CCR3: variants seen among roughly 807,000 people sequenced by gnomAD.
CCR3 encodes the protein C-C motif chemokine receptor 3, also known as C-C chemokine receptor type 3.
For synonymous variants in CCR3, 203 were observed against 179.2 expected, an observed-to-expected ratio of 1.13 and a Z score of -1.06; for missense variants, 419 against 437.5, an observed-to-expected ratio of 0.96 and a Z score of 0.38.
At chr3:46,257,238 C>T (rs1175542706) in intron 1 of CCR3, among the ~76,000 whole-genome samples, 1 of 152,100 alleles carries the variant, frequency 6.6e-6, no homozygotes, top group Non-Finnish European at 1.5e-5. Context: ...AAAACACTTG[C>T]TGCACTTGTA....
chr3:46,238,749 T>C (rs1036772217), upstream of CCR3, among the ~76,000 whole-genome samples: 7 of 152,040 alleles, frequency 4.6e-5, no homozygotes, highest in African/African-American at 1.7e-4. Flanking sequence ...GAGAAAAAAG[T>C]GGGGGGACCT....
chr3:46,265,399 C>A lies in CCR3; in HGVS notation c.241C>A (p.Leu81Met), dbSNP rs768633312. Reference protein sequence around the residue: ...IYLLNLAISDLLFLVTLPFWI... With the variant: ...IYLLNLAISDMLFLVTLPFWI... ...CCTGCTCAACCTGGCCATTTCGGAC[C>A]TGCTCTTCCTCGTCACCCTTCCATT... Residue 81 changes from leucine (L) to methionine (M), a missense_variant, in exon 2 of 2, where the codon CTG (leucine) becomes ATG (methionine). Physicochemically the swap from Leu to Met is conservative, Grantham distance 15. Coordinates refer to ENST00000395940, the MANE Select transcript of CCR3 (RefSeq NM_178329.3). 2 of 1,614,210 alleles carry A rather than the reference C, an allele frequency of 1.2e-6. No homozygotes were observed. Among genetic ancestry groups the A allele is most frequent in the Non-Finnish European group, 1.7e-6 (2 of 1,180,026 alleles).
intron 1 of CCR3, chr3:46,264,362 G>T: frequency 7.4e-7 from 1 of 1,359,756 alleles, no homozygotes; most frequent in South Asian, 1.2e-5. Flanking sequence ...ATGTGTAACA[G>T]ACAAAATGTG....
intron 1 of CCR3, among the ~76,000 whole-genome samples, chr3:46,250,105 T>C (rs1378952831): frequency 1.3e-5 from 2 of 152,078 alleles, no homozygotes; most frequent in African/African-American, 2.4e-5. Context: ...TTATATTTGA[T>C]GAAAAAGAGC....
At chr3:46,233,401 A>AGG (rs1699989685) in intron 2 of CCR3, among the ~76,000 whole-genome samples, 1 of 152,174 alleles carries the variant, frequency 6.6e-6, no homozygotes, top group Non-Finnish European at 1.5e-5. Flanking sequence ...CACATGCTCA[A>AGG]GGTTGTGGCT....
At position 46,235,107 on chromosome 3, in the gene CCR3, C is replaced by T. The variant is rs538784400; in HGVS notation, c.-67-7295C>T. ...TTAGCCCAGCTCTGCTCCTCTTCCT[C>T]TTGAAAGAGAGCTGCCTGTCACTCA... On this transcript the variant is annotated intron_variant, in intron 2 of 3. Coordinates refer to the CCR3 transcript ENST00000357422. Among the ~76,000 whole-genome samples the T allele has an allele frequency of 3.1e-4, 47 of 152,360 alleles. No individual in the cohort carries two copies. The South Asian group carries it at 9.5e-3, about 31-fold the overall frequency.
At chr3:46,265,070 T>C in intron 1 of CCR3, 78 bp from the exon 2 acceptor site, 2 of 926,544 alleles carry the variant, frequency 2.2e-6, no homozygotes, top group South Asian at 1.6e-5. Context: ...GTTGAGTACA[T>C]GAATAAATCA....
intron 2 of CCR3, among the ~76,000 whole-genome samples, chr3:46,216,886 C>A (rs1217410343): frequency 6.6e-6 from 1 of 151,930 alleles, no homozygotes. Context: ...TCAAAATATA[C>A]CAAAATAGAA....
Position 46,264,544 on chromosome 3 carries a change from G to A in CCR3, c.-11-604G>A, listed in dbSNP as rs185056933. The A allele has an allele frequency of 1.1e-4, 85 of 754,634 alleles. 1 individual carries two copies. The Admixed American group carries it at 1.9e-3, about 17-fold the overall frequency. 46.7% of individuals were successfully genotyped at this position (754,634 alleles called of 1,614,324 possible). On this transcript the variant is annotated intron_variant, in intron 1 of 1. Transcript: ENST00000395940. The stretch of plus-strand genomic sequence containing the variant: ...GAAATGGACATGGATAGAGACTAAA[G>A]ATCTAGCCCAAATTTTATATTTACT...
At chr3:46,218,525 A>T (rs1699800989) in intron 2 of CCR3, among the ~76,000 whole-genome samples, 1 of 152,154 alleles carries the variant, frequency 6.6e-6, no homozygotes, top group Non-Finnish European at 1.5e-5. Context: ...GACGTAATGA[A>T]AAAAGAAAAC....
At chr3:46,260,299 A>C (rs1700499905) in intron 1 of CCR3, among the ~76,000 whole-genome samples, 1 of 152,142 alleles carries the variant, frequency 6.6e-6, no homozygotes, top group African/African-American at 2.4e-5. Context: ...TTCAAAACCA[A>C]TCATACCTTC....
chr3:46,217,098 G>A (rs534879683), intron 2 of CCR3, among the ~76,000 whole-genome samples: 46 of 152,036 alleles, frequency 3.0e-4, no homozygotes, highest in African/African-American at 1.1e-3. Flanking sequence ...ATAAACTTAA[G>A]GTAAAGTGAG....
intron 1 of CCR3, among the ~76,000 whole-genome samples, chr3:46,245,230 A>C (rs1452422275): frequency 6.6e-6 from 1 of 151,670 alleles, no homozygotes; most frequent in African/African-American, 2.4e-5. Flanking sequence ...CATGATTTGA[A>C]CTTTGAGAGG....
intron 2 of CCR3, among the ~76,000 whole-genome samples, chr3:46,216,067 T>C (rs1359138846): frequency 6.6e-6 from 1 of 152,208 alleles, no homozygotes; most frequent in East Asian, 1.9e-4. Flanking sequence ...TCCCACTCCA[T>C]GGAGGACTGT....
chr3:46,212,968 TG>T (rs1406549028), intron 2 of CCR3, among the ~76,000 whole-genome samples: 1 of 152,184 alleles, frequency 6.6e-6, no homozygotes, highest in Non-Finnish European at 1.5e-5. Flanking sequence ...TGGGTACTTT[TG>T]ACAGCAAATA....
At position 46,266,191 on chromosome 3, in the gene CCR3, T is replaced by A. The variant is rs151108824; in HGVS notation, c.1033T>A (p.Ser345Thr). ...GGAAAGAACCAGCTCTGTCTCTCCA[T>A]CCACAGCAGAGCCGGAACTCTCTAT... ...KLERTSSVSP[S>T]TAEPELSIVF The change falls in exon 2 of 2, where the codon TCC (serine) becomes ACC (threonine). Residue 345 changes from serine (S) to threonine (T), a missense_variant. Ser to Thr is a moderately conservative substitution (Grantham distance 58). Transcript: ENST00000395940. 9 of 1,613,736 alleles carry A rather than the reference T, an allele frequency of 5.6e-6. No individual in the cohort carries two copies. The South Asian group carries it at 7.7e-5, about 14-fold the overall frequency.
intron 2 of CCR3, among the ~76,000 whole-genome samples, chr3:46,225,865 G>T (rs1699888817): frequency 6.6e-6 from 1 of 152,210 alleles, no homozygotes; most frequent in East Asian, 1.9e-4. Flanking sequence ...AAGGTGTGAG[G>T]TTTAGGCTGA....
At chr3:46,246,810 G>GGA (rs1236640355) in intron 1 of CCR3, among the ~76,000 whole-genome samples, 2 of 152,056 alleles carry the variant, frequency 1.3e-5, no homozygotes, top group African/African-American at 4.8e-5. Flanking sequence ...AGGGTGGTAT[G>GGA]GAGAGAGAAT....
Position 46,265,547 on chromosome 3 carries a change from A to G in CCR3, c.389A>G (p.Asp130Gly). The change falls in exon 2 of 2, where the codon GAC (aspartate) becomes GGC (glycine). Residue 130 changes from aspartate (D) to glycine (G), a missense_variant. Asp to Gly is a moderately conservative substitution (Grantham distance 94, BLOSUM62 -1). Coordinates refer to ENST00000395940, the MANE Select transcript of CCR3 (RefSeq NM_178329.3). ...TTTTTCATAATCCTGCTGACAATCGACAGGTACCTGGCCATTGTCCATGCT... is the reference window on the plus strand; with the variant it reads ...TTTTTCATAATCCTGCTGACAATCGGCAGGTACCTGGCCATTGTCCATGCT... ...EIFFIILLTI[D>G]RYLAIVHAVF... 2 of 1,614,060 alleles carry G rather than the reference A, an allele frequency of 1.2e-6. No individual in the cohort carries two copies. The highest frequency in any genetic ancestry group is 2.2e-5 in the East Asian group (1 of 44,862).
Sources: gnomAD v4.1 joint callset for allele counts (sites outside exome capture counted in the v4.1 genomes callset) on GRCh38, gnomAD v4.1.1 for gene constraint, MANE v1.5 for transcripts, NCBI Gene and HGNC (gene_info 2026-07-23, HGNC 2026-07-21) for gene names.